Variants in TMPRSS15 observed in about 807,000 individuals in gnomAD.
The protein encoded by TMPRSS15 is enteropeptidase.
A neutral mutation model predicts 125.3 loss-of-function variants in TMPRSS15; 128 were observed. The observed-to-expected ratio is 1.02, with a 90% CI of 0.89 to 1.18. TMPRSS15 has a LOEUF of 1.18. Ranked by LOEUF, TMPRSS15 falls within the 50% of genes most tolerant of loss-of-function variation. TMPRSS15 has a pLI of 0.00. For synonymous variants in TMPRSS15, 446 were observed against 423.2 expected (o/e 1.05, Z -0.66); for missense variants, 1,283 against 1,212.7 (o/e 1.06, Z -0.86).
intron 5 of TMPRSS15, among the ~76,000 whole-genome samples, chr21:18,374,018 A>G (rs1167947992): frequency 6.6e-6 from 1 of 152,236 alleles, no homozygotes; most frequent in Non-Finnish European, 1.5e-5. Context: ...AGAGATTTAA[A>G]AAGTGCTATG....
At chr21:18,300,411 G>A (rs552132271) in intron 18 of TMPRSS15, among the ~76,000 whole-genome samples, 14 of 146,718 alleles carry the variant, frequency 9.5e-5, no homozygotes, top group South Asian at 2.1e-4. Flanking sequence ...GCTCAATCTC[G>A]ACTCACTGCA....
Position 18,297,911 on chromosome 21 carries a change from C to T in TMPRSS15, c.2166-82G>A. 5 of 1,058,010 alleles carry T rather than the reference C, an allele frequency of 4.7e-6. No individual in the cohort carries two copies. The South Asian group carries it at 5.5e-5, about 12-fold the overall frequency. 65.5% of individuals were successfully genotyped at this position (1,058,010 alleles called of 1,614,324 possible). ...AAGTTAGACTTTCAGTTCCTTAATG[C>T]TATGGACATTAAAACAAATTATGGG... On this transcript the variant is annotated intron_variant, in intron 18 of 24. Coordinates refer to ENST00000284885, the MANE Select transcript of TMPRSS15 (RefSeq NM_002772.3).
chr21:18,364,830 G>C (rs924083307), intron 7 of TMPRSS15, among the ~76,000 whole-genome samples: 14 of 152,064 alleles, frequency 9.2e-5, no homozygotes, highest in African/African-American at 3.4e-4. Context: ...TACTTCTCAC[G>C]ATACACAGAC....
intron 21 of TMPRSS15, among the ~76,000 whole-genome samples, chr21:18,284,925 CG>C (rs2074744584): frequency 6.6e-6 from 1 of 151,938 alleles, no homozygotes; most frequent in South Asian, 2.1e-4. Context: ...TGCTTGAACC[CG>C]GGAGGCAGAG....
chr21:18,446,915 G>A (rs920695441), intron 1 of TMPRSS15, among the ~76,000 whole-genome samples: 4 of 151,934 alleles, frequency 2.6e-5, no homozygotes, highest in African/African-American at 7.3e-5. Flanking sequence ...AAAAACATAG[G>A]CAACAAATAT....
chr21:18,438,194 G>A lies in TMPRSS15; in HGVS notation c.11-39865C>T, dbSNP rs899798090. Among the ~76,000 whole-genome samples the A allele has an allele frequency of 2.8e-4, 42 of 150,544 alleles. No homozygotes were observed. The East Asian group carries it at 4.5e-3, about 16-fold the overall frequency. ...CTTTGTAGGGACATGGATGAAATTG[G>A]AAATCATCATTCTCAGTAAACTATC... On this transcript the variant is annotated intron_variant, in intron 1 of 7. Transcript: ENST00000422787.
chr21:18,478,052 G>A (rs533898208), intron 1 of TMPRSS15, among the ~76,000 whole-genome samples: 1 of 151,966 alleles, frequency 6.6e-6, no homozygotes, highest in South Asian at 2.1e-4. Context: ...TCCTACCTTG[G>A]GTCCGTAAAT....
chr21:18,320,424 C>G (rs769691050), intron 16 of TMPRSS15, among the ~76,000 whole-genome samples: 13 of 152,096 alleles, frequency 8.5e-5, no homozygotes, highest in Middle Eastern at 3.4e-3. Flanking sequence ...ATAATTTAAT[C>G]TTATATACAT....
At position 18,403,722 on chromosome 21, in the gene TMPRSS15, A is replaced by G. The variant is rs554014903; in HGVS notation, c.-100T>C. The stretch of plus-strand genomic sequence containing the variant: ...CTCTCAAATTTTTAAAGATGTGTAA[A>G]GCAACAACCACCTGTCTACATGCAT... On this transcript the variant is annotated 5_prime_UTR_variant, in exon 1 of 25. Transcript: ENST00000284885. The G allele has an allele frequency of 1.4e-6, 2 of 1,473,922 alleles. No homozygotes were observed. Among genetic ancestry groups the G allele is most frequent in the East Asian group, 4.7e-5 (2 of 42,174 alleles). The allele number at this position is 1,473,922 out of a possible 1,614,324, so 91.3% of individuals were successfully genotyped here. A position where few individuals can be genotyped will look rare whatever the true frequency, so the allele number is the denominator to read the frequency against.
At chr21:18,343,909 T>C (rs374462144) in intron 11 of TMPRSS15, 46 bp downstream of exon 11, 1 of 1,542,234 alleles carries the variant, frequency 6.5e-7, no homozygotes, top group Non-Finnish European at 9.0e-7. Flanking sequence ...CAAGGCAATG[T>C]TACCCATTAA....
chr21:18,416,003 A>C (rs1386107250), intron 1 of TMPRSS15, among the ~76,000 whole-genome samples: 2 of 152,114 alleles, frequency 1.3e-5, no homozygotes, highest in Non-Finnish European at 2.9e-5. Flanking sequence ...TCAAAACATT[A>C]ACAAGGAACC....
chr21:18,384,302 T>C (rs896045303), intron 3 of TMPRSS15, among the ~76,000 whole-genome samples: 3 of 152,150 alleles, frequency 2.0e-5, no homozygotes, highest in South Asian at 2.1e-4. Flanking sequence ...TTTTGCTTAA[T>C]ATAAAATATC....
At chr21:18,273,801 A>G (rs980605996) in intron 24 of TMPRSS15, among the ~76,000 whole-genome samples, 4 of 152,216 alleles carry the variant, frequency 2.6e-5, no homozygotes, top group African/African-American at 9.6e-5. Context: ...TTAAACAAGA[A>G]AAAAGCCATC....
chr21:18,294,732 T>G, intron 19 of TMPRSS15, 80 bp from the exon 20 acceptor site: 1 of 1,295,218 alleles, frequency 7.7e-7, no homozygotes, highest in Non-Finnish European at 1.1e-6. Context: ...TTATCCTACT[T>G]TTGCTTTAGT....
At chr21:18,444,239 C>T (rs774219268) in intron 1 of TMPRSS15, among the ~76,000 whole-genome samples, 6 of 152,104 alleles carry the variant, frequency 3.9e-5, no homozygotes, top group Non-Finnish European at 7.4e-5. Context: ...AACCTAAATG[C>T]CCATTAACGG....
chr21:18,284,465 G>A (rs1157921101), intron 21 of TMPRSS15, among the ~76,000 whole-genome samples: 2 of 152,142 alleles, frequency 1.3e-5, no homozygotes, highest in Non-Finnish European at 2.9e-5. Flanking sequence ...TCACTGTTGG[G>A]ATACTGAGCA....
intron 16 of TMPRSS15, among the ~76,000 whole-genome samples, chr21:18,324,975 C>T (rs571229065): frequency 3.3e-5 from 5 of 152,150 alleles, no homozygotes; most frequent in African/African-American, 1.2e-4. Context: ...AATCAAGAAA[C>T]AAAATCAGTG....
At chr21:18,418,160 C>T (rs2076184392) in intron 1 of TMPRSS15, among the ~76,000 whole-genome samples, 1 of 152,310 alleles carries the variant, frequency 6.6e-6, no homozygotes, top group Non-Finnish European at 1.5e-5. Context: ...CAAACAGGCT[C>T]TCTCCTATGG....
chr21:18,449,876 C>T (rs551591207), intron 1 of TMPRSS15, among the ~76,000 whole-genome samples: 438 of 23,326 alleles, frequency 0.019, 3 homozygotes, highest in African/African-American at 0.029. Flanking sequence ...CACACACACA[C>T]GCACACACAC....
Sources: gnomAD v4.1 joint callset for allele counts (sites outside exome capture counted in the v4.1 genomes callset) on GRCh38, gnomAD v4.1.1 for gene constraint, MANE v1.5 for transcripts, NCBI Gene and HGNC (gene_info 2026-07-23, HGNC 2026-07-21) for gene names.